ENAH: variants seen among roughly 807,000 people sequenced by gnomAD.
ENAH encodes ENAH actin regulator, also known as protein enabled homolog.
A neutral mutation model predicts 78.7 loss-of-function variants in ENAH; 23 were observed. The ratio of observed to expected loss-of-function variants is 0.29; its 90% CI spans 0.21 to 0.41. ENAH has a LOEUF of 0.41. Among genes scored for constraint, ENAH ranks in the 10% least tolerant of loss-of-function variants. ENAH has a pLI of 1.00. For missense variants in ENAH, 544 were observed against 691.0 expected (o/e 0.79, Z 2.39); for synonymous variants, 226 against 241.0 (o/e 0.94, Z 0.58).
intron 1 of ENAH, among the ~76,000 whole-genome samples, chr1:225,643,971 T>C (rs952223777): frequency 1.3e-4 from 19 of 151,980 alleles, no homozygotes; most frequent in African/African-American, 4.6e-4. Flanking sequence ...AAAGTATAGA[T>C]ATTATATATA....
intron 1 of ENAH, among the ~76,000 whole-genome samples, chr1:225,629,213 G>C (rs996986969): frequency 6.6e-6 from 1 of 152,148 alleles, no homozygotes; most frequent in Non-Finnish European, 1.5e-5. Flanking sequence ...GGGAGGCAGA[G>C]GTTGCAGTGA....
intron 1 of ENAH, among the ~76,000 whole-genome samples, chr1:225,613,877 G>C (rs2097006974): frequency 6.6e-6 from 1 of 152,064 alleles, no homozygotes; most frequent in South Asian, 2.1e-4. Flanking sequence ...TAGGTTAAGG[G>C]ATCAGTCCCA....
chr1:225,604,749 C>T (rs181301795), intron 1 of ENAH, among the ~76,000 whole-genome samples: 5 of 151,906 alleles, frequency 3.3e-5, no homozygotes, highest in East Asian at 1.9e-4. Context: ...GCCGAGATTG[C>T]GCCATTGCAC....
chr1:225,575,304 T>C (rs940702331), intron 1 of ENAH, among the ~76,000 whole-genome samples: 2 of 152,214 alleles, frequency 1.3e-5, no homozygotes, highest in African/African-American at 4.8e-5. Context: ...TATCTCTCAC[T>C]GCAATCTTAT....
At chr1:225,529,624 T>C (rs1478179347) in intron 4 of ENAH, among the ~76,000 whole-genome samples, 1 of 151,952 alleles carries the variant, frequency 6.6e-6, no homozygotes, top group Non-Finnish European at 1.5e-5. Flanking sequence ...TCCCCACCCT[T>C]CCCAATATAA....
intron 2 of ENAH, among the ~76,000 whole-genome samples, chr1:225,565,306 A>G (rs1420298839): frequency 1.3e-5 from 2 of 152,032 alleles, no homozygotes; most frequent in South Asian, 2.1e-4. Context: ...ATGGTGGCAC[A>G]TGCCTGTAAT....
intron 1 of ENAH, among the ~76,000 whole-genome samples, chr1:225,633,760 CAA>C (rs1659545045): frequency 1.3e-5 from 2 of 152,110 alleles, no homozygotes; most frequent in Admixed American, 6.5e-5. Context: ...TATTATTTAT[CAA>C]AGTTATCATA....
intron 1 of ENAH, among the ~76,000 whole-genome samples, chr1:225,608,841 A>AG (rs2096972218): frequency 6.7e-6 from 1 of 149,510 alleles, no homozygotes; most frequent in African/African-American, 2.5e-5. Flanking sequence ...AAAAAAAAAA[A>AG]GGAGGGGGGT....
intron 3 of ENAH, among the ~76,000 whole-genome samples, chr1:225,539,018 G>A (rs141749258): frequency 2.0e-5 from 3 of 152,284 alleles, no homozygotes; most frequent in Non-Finnish European, 4.4e-5. Flanking sequence ...GCATTATTGA[G>A]TATATGCTCA....
Position 225,560,502 on chromosome 1 carries a change from A to T in ENAH, c.172-5419T>A, listed in dbSNP as rs537510141. Among the ~76,000 whole-genome samples, 13 of 152,220 alleles carry T rather than the reference A, an allele frequency of 8.5e-5. No individual in the cohort carries two copies. In the East Asian group the frequency reaches 2.5e-3, roughly 29 times the overall value. ...TGAGACAAAAAAAAAAAAAGATTAAATGTTATGCACATTTTACCATAAGGC... is the reference window on the plus strand; with the variant it reads ...TGAGACAAAAAAAAAAAAAGATTAATTGTTATGCACATTTTACCATAAGGC... On this transcript the variant is annotated intron_variant, in intron 2 of 13. Transcript: ENST00000366843.
upstream of ENAH, chr1:225,653,204 C>A (rs1663379356): frequency 6.6e-6 from 1 of 150,698 alleles, no homozygotes; most frequent in Non-Finnish European, 1.5e-5. The surrounding 1 kb of genome is among the most constrained non-coding windows in gnomAD (Gnocchi z 4.3). Flanking sequence ...CCCTCCTTCC[C>A]CCGGGGGCGA....
rs2096204759 is a variant in ENAH, at chr1:225,487,351, TC to T, written c.*10423del. On this transcript the variant is annotated 3_prime_UTR_variant, in exon 14 of 14. Transcript: ENST00000366843. ...TTTAGTTTCATGTCTCACCTTCTCT[TC>T]CACGTTCCCTTCTTAAACGTAGATG... 1 of 152,230 alleles carries T rather than the reference TC, an allele frequency of 6.6e-6. No homozygotes were observed. Among genetic ancestry groups the T allele is most frequent in the South Asian group, 2.1e-4 (1 of 4,836 alleles). The allele number at this position is 152,230 out of a possible 1,614,324, so 9.4% of individuals were successfully genotyped here.
At chr1:225,560,972 A>C (rs1474269528) in intron 2 of ENAH, among the ~76,000 whole-genome samples, 1 of 152,242 alleles carries the variant, frequency 6.6e-6, no homozygotes, top group Non-Finnish European at 1.5e-5. Flanking sequence ...ACAGTGGCTC[A>C]TGCCTGTAAT....
intron 5 of ENAH, 151 bp from the exon 6 acceptor site, chr1:225,517,457 T>C: frequency 6.4e-7 from 1 of 1,551,476 alleles, no homozygotes; most frequent in Admixed American, 2.0e-5. Flanking sequence ...GGCCCTGAGG[T>C]AGGCGGTGGA....
intron 1 of ENAH, among the ~76,000 whole-genome samples, chr1:225,597,872 T>A (rs2096910124): frequency 6.6e-6 from 1 of 152,170 alleles, no homozygotes; most frequent in Non-Finnish European, 1.5e-5. Context: ...ATCAACCTGT[T>A]TAACTTTTTA....
At chr1:225,557,377 C>A (rs1409928390) in intron 2 of ENAH, among the ~76,000 whole-genome samples, 6 of 152,128 alleles carry the variant, frequency 3.9e-5, no homozygotes. Flanking sequence ...CAATGGACAG[C>A]TTTATTTCTT....
At chr1:225,511,648 T>G (rs1384239641) in intron 10 of ENAH, among the ~76,000 whole-genome samples, 163 bp downstream of exon 10, 1 of 152,220 alleles carries the variant, frequency 6.6e-6, no homozygotes, top group Non-Finnish European at 1.5e-5. Flanking sequence ...AACAGCAGCT[T>G]CCAGGAGGAA....
At chr1:225,561,198 A>C (rs1465273843) in intron 2 of ENAH, among the ~76,000 whole-genome samples, 1 of 152,240 alleles carries the variant, frequency 6.6e-6, no homozygotes, top group African/African-American at 2.4e-5. Flanking sequence ...GCACCACTGC[A>C]CGCCAGCCTG....
chr1:225,500,690 A>G (rs2096276941), intron 12 of ENAH, among the ~76,000 whole-genome samples: 1 of 152,204 alleles, frequency 6.6e-6, no homozygotes, highest in Non-Finnish European at 1.5e-5. Context: ...ACAGTCACTG[A>G]AAAGTAAAAG....
Sources: gnomAD v4.1 joint callset for allele counts (sites outside exome capture counted in the v4.1 genomes callset) on GRCh38, gnomAD v4.1.1 for gene constraint, Gnocchi (gnomAD v3.1) non-coding constraint, MANE v1.5 for transcripts, NCBI Gene and HGNC (gene_info 2026-07-23, HGNC 2026-07-21) for gene names.